The following PCDHGA4 variants were observed in gnomAD, a reference collection of about 807,000 sequenced individuals.
PCDHGA4 encodes protocadherin gamma-A4.
A neutral mutation model predicts 54.6 loss-of-function variants in PCDHGA4; 38 were observed. That is an observed-to-expected ratio of 0.70 (90% confidence interval 0.54 to 0.91). PCDHGA4 has a LOEUF of 0.91. Ranked by LOEUF, PCDHGA4 falls within the 40% of genes least tolerant of loss-of-function variation. PCDHGA4 has a pLI of 0.00. For synonymous variants in PCDHGA4, 511 were observed against 512.9 expected (o/e 1.00, Z 0.05); for missense variants, 1,298 against 1,220.9 (o/e 1.06, Z -0.94).
intron 1 of PCDHGA4, chr5:141,414,379 A>G (rs2095740987): frequency 1.2e-6 from 2 of 1,613,912 alleles, no homozygotes; most frequent in African/African-American, 1.3e-5. Context: ...AGAAAAGTCC[A>G]TTGACAGTTA....
intron 1 of PCDHGA4, chr5:141,383,343 T>TG (rs760440635): frequency 1.2e-6 from 2 of 1,613,888 alleles, no homozygotes; most frequent in Non-Finnish European, 1.7e-6. Flanking sequence ...ATACAGCTCC[T>TG]GGGGTTCGGT....
At chr5:141,376,180 G>T (rs113596971) in intron 1 of PCDHGA4, 6 of 1,614,100 alleles carry the variant, frequency 3.7e-6, no homozygotes, top group East Asian at 2.2e-5. Context: ...CGGTGGCCGC[G>T]GTCTCCTGCG....
At position 141,489,646 on chromosome 5, in the gene PCDHGA4, C is replaced by A. The variant is rs1274955075; in HGVS notation, c.2515-5161C>A. 1.2e-6 allele frequency: 2 copies of A among 1,614,186 alleles called. No homozygotes were observed. The highest frequency in any genetic ancestry group is 2.7e-5 in the African/African-American group (2 of 75,048). On this transcript the variant is annotated intron_variant, in intron 1 of 3. Coordinates refer to ENST00000571252, the MANE Select transcript of PCDHGA4 (RefSeq NM_018917.4). This position sits in a 1 kb window ranked among gnomAD's most constrained non-coding sequence, Gnocchi z 4.5. Reference sequence around the variant, plus strand: ...TGACAACTCTCCTAGCTTTGCCACCCCTGAGCGAGAGATGCGCATCTCAGA... The same window carrying A: ...TGACAACTCTCCTAGCTTTGCCACCACTGAGCGAGAGATGCGCATCTCAGA...
rs934366037 is a variant in PCDHGA4, at chr5:141,408,906, C to T, written c.2514+51285C>T. On this transcript the variant is annotated intron_variant, in intron 1 of 3. Transcript: ENST00000571252. Reference sequence around the variant, plus strand: ...CACATAGAAATTTCTGTCAAGGATACCAATGATAACCCCCCGGTTTTCAGC... The same window carrying T: ...CACATAGAAATTTCTGTCAAGGATATCAATGATAACCCCCCGGTTTTCAGC... 2.5e-6 allele frequency: 4 copies of T among 1,613,136 alleles called. No homozygotes were observed. The African/African-American group carries it at 4.0e-5, about 16-fold the overall frequency.
intron 1 of PCDHGA4, chr5:141,395,561 T>C (rs1589266253): frequency 8.5e-6 from 2 of 235,114 alleles, no homozygotes; most frequent in East Asian, 1.7e-4. Context: ...TGTGTGTGTG[T>C]GTGTGTGTGT....
At chr5:141,395,542 T>TTGTG (rs55729045) in intron 1 of PCDHGA4, 55 of 172,626 alleles carry the variant, frequency 3.2e-4, no homozygotes, top group East Asian at 1.2e-3. Context: ...TTGCTATTGT[T>TTGTG]TGTGTGTGTG....
chr5:141,431,731 T>G lies in PCDHGA4; in HGVS notation c.2515-63076T>G. 6.2e-7 allele frequency: 1 copy of G among 1,614,210 alleles called. No homozygotes were observed. The highest frequency in any genetic ancestry group is 8.5e-7 in the Non-Finnish European group (1 of 1,180,034). Reference sequence around the variant, plus strand: ...AGATGGAAGTGCAAGCAATGGATAATGCAGGATATTCTGCGCGAGCCAAAG... The same window carrying G: ...AGATGGAAGTGCAAGCAATGGATAAGGCAGGATATTCTGCGCGAGCCAAAG... On this transcript the variant is annotated intron_variant, in intron 1 of 3. Coordinates refer to ENST00000571252, the MANE Select transcript of PCDHGA4 (RefSeq NM_018917.4). The surrounding 1 kb of genome is among the most constrained non-coding windows in gnomAD (Gnocchi z 4.8).
chr5:141,416,098 G>A (rs745507614), intron 1 of PCDHGA4: 19 of 160,674 alleles, frequency 1.2e-4, no homozygotes, highest in Non-Finnish European at 8.1e-5. Flanking sequence ...AAGGGCAATA[G>A]GCCTTTTTCA....
At chr5:141,510,158 A>G (rs1406170246) in intron 3 of PCDHGA4, among the ~76,000 whole-genome samples, 1 of 152,018 alleles carries the variant, frequency 6.6e-6, no homozygotes, top group African/African-American at 2.4e-5. Flanking sequence ...CTGTAATCTC[A>G]GCTACTCAGG....
At chr5:141,403,905 A>G in intron 1 of PCDHGA4, 1 of 1,613,894 alleles carries the variant, frequency 6.2e-7, no homozygotes, top group Non-Finnish European at 8.5e-7. Context: ...TATGAAATGG[A>G]AATACAAGCT....
At chr5:141,495,279 G>T (rs72790069) in intron 2 of PCDHGA4, among the ~76,000 whole-genome samples, 4 of 152,146 alleles carry the variant, frequency 2.6e-5, no homozygotes, top group Non-Finnish European at 5.9e-5. Context: ...CGGAGGAGGC[G>T]GTCCGCACTC....
intron 1 of PCDHGA4, among the ~76,000 whole-genome samples, chr5:141,488,115 G>A (rs936010936): frequency 1.4e-4 from 21 of 152,298 alleles, no homozygotes; most frequent in Middle Eastern, 3.4e-3. Flanking sequence ...TTGAAACATA[G>A]AGACAGCAGA....
chr5:141,399,001 T>G, intron 1 of PCDHGA4: 1 of 1,613,890 alleles, frequency 6.2e-7, no homozygotes, highest in Non-Finnish European at 8.5e-7. Context: ...TAGTCTGAAT[T>G]CAAAGAGCGG....
Position 141,476,667 on chromosome 5 carries a change from T to C in PCDHGA4, c.2515-18140T>C. 6.2e-7 allele frequency: 1 copy of C among 1,614,234 alleles called. No individual in the cohort carries two copies. Among genetic ancestry groups the C allele is most frequent in the Non-Finnish European group, 8.5e-7 (1 of 1,180,042 alleles). ...CGAAATGAATACTTTGCGCTTCGCG[T>C]GCAGACGCGGGAGGACAGCACCAAG... On this transcript the variant is annotated intron_variant, in intron 1 of 3. Transcript: ENST00000571252. The surrounding 1 kb of genome is among the most constrained non-coding windows in gnomAD (Gnocchi z 7.6).
chr5:141,403,006 G>C (rs536630249), intron 1 of PCDHGA4: 3 of 1,613,888 alleles, frequency 1.9e-6, no homozygotes, highest in Non-Finnish European at 2.5e-6. Context: ...TGCTATGCTC[G>C]CTCCTGGGGA....
At chr5:141,453,351 C>A (rs1210851703) in intron 1 of PCDHGA4, among the ~76,000 whole-genome samples, 2 of 151,738 alleles carry the variant, frequency 1.3e-5, no homozygotes, top group Non-Finnish European at 2.9e-5. Flanking sequence ...CCAGGCTGAC[C>A]CTGAACTCCT....
At chr5:141,374,833 T>C in intron 1 of PCDHGA4, 7 of 1,613,930 alleles carry the variant, frequency 4.3e-6, no homozygotes, top group Non-Finnish European at 5.9e-6. Flanking sequence ...ACCGTGTAAG[T>C]GTTCCTGAAA....
chr5:141,427,568 T>A (rs1260622772), intron 1 of PCDHGA4: 1 of 660,576 alleles, frequency 1.5e-6, no homozygotes, highest in Admixed American at 2.1e-5. Flanking sequence ...AGGGCAAGCC[T>A]CCGCTCTCAT....
intron 1 of PCDHGA4, chr5:141,416,166 T>C (rs2096001393): frequency 6.5e-6 from 1 of 152,744 alleles, no homozygotes; most frequent in Admixed American, 6.5e-5. Flanking sequence ...CAGTTGAATA[T>C]ACTAAGTTTT....
Sources: allele counts gnomAD v4.1 joint callset (sites outside exome capture counted in the v4.1 genomes callset), GRCh38; gene constraint gnomAD v4.1.1; non-coding constraint Gnocchi (gnomAD v3.1); transcripts MANE v1.5; gene names NCBI Gene and HGNC (gene_info 2026-07-23, HGNC 2026-07-21).